The following WWOX variants were observed in gnomAD, a reference collection of about 807,000 sequenced individuals.
The protein encoded by WWOX is WW domain containing oxidoreductase.
Under a neutral mutation model 46.2 loss-of-function variants are expected in WWOX, and 69 were observed. The ratio of observed to expected loss-of-function variants is 1.49; its 90% confidence interval spans 1.23 to 1.82. The LOEUF is 1.82. Among genes scored for constraint, WWOX ranks in the 40% most tolerant of loss-of-function variants. The pLI, the probability that WWOX is intolerant of heterozygous loss-of-function variation, is 0.00. For missense variants in WWOX, 919 were observed against 542.6 expected, an observed-to-expected ratio of 1.69 and a Z score of -6.89; for synonymous variants, 359 against 202.6, an observed-to-expected ratio of 1.77 and a Z score of -6.56.
At chr16:78,987,239 T>C (rs947364604) in intron 8 of WWOX, among the ~76,000 whole-genome samples, 6 of 152,228 alleles carry the variant, frequency 3.9e-5, no homozygotes, top group Non-Finnish European at 7.3e-5. Flanking sequence ...GCTGTGCTTA[T>C]TAACTCAGTC....
At chr16:79,122,492 C>T (rs527290892) in intron 8 of WWOX, among the ~76,000 whole-genome samples, 1 of 151,574 alleles carries the variant, frequency 6.6e-6, no homozygotes, top group Non-Finnish European at 1.5e-5. Flanking sequence ...TTGCTATTTC[C>T]TTTCTTTCTT....
intron 8 of WWOX, among the ~76,000 whole-genome samples, chr16:78,440,080 T>C (rs914115111): frequency 6.6e-6 from 1 of 152,212 alleles, no homozygotes; most frequent in African/African-American, 2.4e-5. Context: ...TTTGAGCCTC[T>C]AGAGTGGCAG....
intron 4 of WWOX, among the ~76,000 whole-genome samples, chr16:78,135,908 A>C (rs1376129755): frequency 1.3e-5 from 2 of 152,156 alleles, no homozygotes; most frequent in Admixed American, 6.5e-5. Flanking sequence ...TCAGCATGCA[A>C]ATGTGGGTGG....
intron 8 of WWOX, among the ~76,000 whole-genome samples, chr16:79,095,619 G>A (rs561820062): frequency 2.0e-5 from 3 of 152,100 alleles, no homozygotes; most frequent in Admixed American, 2.0e-4. Context: ...AGCGGAAGTC[G>A]ATCTTCTTGG....
At chr16:79,148,812 C>T (rs2050226003) in intron 8 of WWOX, among the ~76,000 whole-genome samples, 2 of 151,054 alleles carry the variant, frequency 1.3e-5, no homozygotes, top group African/African-American at 4.9e-5. Flanking sequence ...TTTTTAATTC[C>T]AACTTCTACA....
At chr16:79,006,505 G>C (rs994907236) in intron 8 of WWOX, among the ~76,000 whole-genome samples, 1 of 151,836 alleles carries the variant, frequency 6.6e-6, no homozygotes, top group Non-Finnish European at 1.5e-5. Flanking sequence ...TCTGAGTTAC[G>C]CTTTTTTTTT....
intron 8 of WWOX, among the ~76,000 whole-genome samples, chr16:78,931,531 G>C (rs1321263358): frequency 6.6e-6 from 1 of 152,214 alleles, no homozygotes; most frequent in Non-Finnish European, 1.5e-5. Flanking sequence ...GTGCTTGAAG[G>C]AGAAAGGTGA....
intron 4 of WWOX, among the ~76,000 whole-genome samples, chr16:78,148,166 T>G (rs1196365546): frequency 2.0e-5 from 3 of 152,122 alleles, no homozygotes; most frequent in African/African-American, 7.2e-5. Flanking sequence ...ATAAATTAAT[T>G]CATCAAAATA....
intron 8 of WWOX, among the ~76,000 whole-genome samples, chr16:79,155,414 TAAAATATTTTAGACTTTG>T (rs1156626985): frequency 6.6e-6 from 1 of 151,868 alleles, no homozygotes; most frequent in Non-Finnish European, 1.5e-5. Flanking sequence ...GGGCAGAGAG[TAAAATATTTTAGACTTTG>T]AAGTCTAAGA....
At chr16:78,537,558 C>G (rs1349573711) in intron 8 of WWOX, among the ~76,000 whole-genome samples, 3 of 152,126 alleles carry the variant, frequency 2.0e-5, no homozygotes, top group Non-Finnish European at 4.4e-5. Flanking sequence ...GTCATGCTGA[C>G]ATACTAAACC....
intron 8 of WWOX, among the ~76,000 whole-genome samples, chr16:78,815,962 C>G (rs1034303394): frequency 7.9e-5 from 12 of 152,178 alleles, no homozygotes; most frequent in Admixed American, 7.2e-4. Flanking sequence ...CCCAAGTCTC[C>G]TGGGTGACCT....
chr16:79,006,241 T>C (rs1291645765), intron 8 of WWOX, among the ~76,000 whole-genome samples: 1 of 152,114 alleles, frequency 6.6e-6, no homozygotes, highest in Non-Finnish European at 1.5e-5. Context: ...TGGCATTTGA[T>C]GAGTTGCACA....
intron 8 of WWOX, among the ~76,000 whole-genome samples, chr16:78,947,382 T>A (rs1031780646): frequency 6.6e-6 from 1 of 151,026 alleles, no homozygotes; most frequent in Non-Finnish European, 1.5e-5. Context: ...CTTCCCCCCC[T>A]TAGCTGTATC....
chr16:78,730,426 C>A (rs756777904), intron 8 of WWOX, among the ~76,000 whole-genome samples: 4 of 151,960 alleles, frequency 2.6e-5, no homozygotes, highest in Non-Finnish European at 4.4e-5. Flanking sequence ...TAGGACTCAT[C>A]ATTCACATGA....
intron 5 of WWOX, chr16:78,281,077 T>G (rs1033612833): frequency 6.6e-6 from 1 of 152,198 alleles, no homozygotes; most frequent in Non-Finnish European, 1.5e-5. Flanking sequence ...GTTTCCAAAG[T>G]CGATATGCTA....
chr16:78,445,709 C>G (rs889643656), intron 8 of WWOX, among the ~76,000 whole-genome samples: 1 of 152,166 alleles, frequency 6.6e-6, no homozygotes, highest in Non-Finnish European at 1.5e-5. Context: ...AAACCCTTCT[C>G]TACTAAAAAT....
intron 5 of WWOX, among the ~76,000 whole-genome samples, chr16:78,358,503 C>G (rs559700155): frequency 7.2e-5 from 11 of 151,980 alleles, no homozygotes; most frequent in Admixed American, 2.6e-4. Flanking sequence ...ACTAAAAATA[C>G]AAAAATTAGC....
rs1257395783 is a variant in WWOX at position 78,444,283 on chromosome 16, CA to C, written c.1056+11532del. ...GATAATTGTGTGTCTCTGAGCAAAT[CA>C]CTTATCCTCTCTGGTCCTCAGTTTT... On this transcript the variant is annotated intron_variant, in intron 8 of 8. Transcript: ENST00000566780. Among the ~76,000 whole-genome samples the C allele has an allele frequency of 2.0e-5, 3 of 152,044 alleles. No homozygotes were observed. In the East Asian group the frequency reaches 5.8e-4, roughly 29 times the overall value.
At chr16:78,526,522 A>T (rs890890009) in intron 8 of WWOX, 5 of 152,150 alleles carry the variant, frequency 3.3e-5, no homozygotes, top group Admixed American at 3.3e-4. Flanking sequence ...CAGGGAACTT[A>T]ATCTCCCTTT....
Sources: allele counts gnomAD v4.1 joint callset (sites outside exome capture counted in the v4.1 genomes callset), GRCh38; gene constraint gnomAD v4.1.1; transcripts MANE v1.5; gene names NCBI Gene and HGNC (gene_info 2026-07-23, HGNC 2026-07-21).